SYT1: variants seen among roughly 807,000 people sequenced by gnomAD.
The protein encoded by SYT1 is synaptotagmin 1, also known as synaptotagmin-1.
SYT1 carries 8 observed loss-of-function variants against 44.8 expected under a neutral mutation model. The observed-to-expected ratio is 0.18, with a 90% CI of 0.10 to 0.32. The LOEUF (loss-of-function observed/expected upper bound fraction) is 0.32, where lower values mean the gene tolerates loss of function less well. SYT1 is among the 10% of genes least tolerant of loss of function. The pLI, the probability that SYT1 is intolerant of heterozygous loss-of-function variation, is 1.00. For synonymous variants in SYT1, 154 were observed against 188.8 expected, an observed-to-expected ratio of 0.82 and a Z score of 1.51; for missense variants, 286 against 509.3, an observed-to-expected ratio of 0.56 and a Z score of 4.22.
intron 1 of SYT1, among the ~76,000 whole-genome samples, chr12:78,869,429 A>G (rs1873706170): frequency 6.6e-6 from 1 of 152,038 alleles, no homozygotes; most frequent in Admixed American, 6.6e-5. Context: ...TACTGTCTAC[A>G]TCAATAAAAT....
At chr12:79,290,372 C>A (rs999086493) in intron 5 of SYT1, among the ~76,000 whole-genome samples, 1 of 152,186 alleles carries the variant, frequency 6.6e-6, no homozygotes, top group Non-Finnish European at 1.5e-5. Flanking sequence ...TGAAGCACCA[C>A]TGAAGATCCC....
intron 1 of SYT1, among the ~76,000 whole-genome samples, chr12:78,968,134 G>A (rs1256168991): frequency 6.6e-6 from 1 of 152,036 alleles, no homozygotes; most frequent in Non-Finnish European, 1.5e-5. Context: ...AGGAGTATAT[G>A]GTTAAATAGG....
intron 2 of SYT1, among the ~76,000 whole-genome samples, chr12:79,004,684 C>G (rs886875097): frequency 2.0e-5 from 3 of 151,822 alleles, no homozygotes; most frequent in Non-Finnish European, 2.9e-5. Flanking sequence ...GACTCTAGAC[C>G]AATATTTTGT....
intron 1 of SYT1, among the ~76,000 whole-genome samples, chr12:78,885,738 G>C (rs1436934836): frequency 6.6e-6 from 1 of 151,942 alleles, no homozygotes; most frequent in African/African-American, 2.4e-5. Context: ...GGTGACTATG[G>C]TTTTTATTTG....
At chr12:78,925,886 T>A (rs1877276680) in intron 1 of SYT1, among the ~76,000 whole-genome samples, 1 of 152,086 alleles carries the variant, frequency 6.6e-6, no homozygotes, top group Non-Finnish European at 1.5e-5. Flanking sequence ...AAAATATTAT[T>A]TGCAATCTTT....
At chr12:79,277,276 C>CA (rs940027592) in intron 4 of SYT1, among the ~76,000 whole-genome samples, 23 of 152,120 alleles carry the variant, frequency 1.5e-4, no homozygotes, top group Admixed American at 1.4e-3. Context: ...TAAAGGAAAT[C>CA]AAATAACTTA....
intron 9 of SYT1, among the ~76,000 whole-genome samples, chr12:79,402,943 C>T (rs1430216132): frequency 4.6e-5 from 7 of 152,090 alleles, no homozygotes; most frequent in South Asian, 2.1e-4. Context: ...CATAATACCA[C>T]GAACAAACCT....
chr12:79,326,012 G>T (rs1273856112), intron 8 of SYT1, among the ~76,000 whole-genome samples: 1 of 152,046 alleles, frequency 6.6e-6, no homozygotes, highest in Non-Finnish European at 1.5e-5. Context: ...ATTTATTGAT[G>T]GGGGGAAAAT....
chr12:78,987,466 C>A (rs1251989271), intron 2 of SYT1, among the ~76,000 whole-genome samples: 4 of 151,998 alleles, frequency 2.6e-5, no homozygotes, highest in Non-Finnish European at 5.9e-5. Context: ...CATAAAGTTT[C>A]AGGCTGAATC....
At chr12:79,041,055 T>C (rs186660567) in intron 2 of SYT1, among the ~76,000 whole-genome samples, 2 of 152,250 alleles carry the variant, frequency 1.3e-5, no homozygotes, top group South Asian at 2.1e-4. Flanking sequence ...AGTCAGGTAG[T>C]GTGATGCCTC....
At chr12:78,980,484 T>G (rs1221879412) in intron 2 of SYT1, among the ~76,000 whole-genome samples, 1 of 152,202 alleles carries the variant, frequency 6.6e-6, no homozygotes, top group African/African-American at 2.4e-5. Context: ...TATCAAAAAT[T>G]CTTTTGTTTT....
chr12:79,046,059 A>T (rs968834402), intron 2 of SYT1, among the ~76,000 whole-genome samples: 1 of 152,114 alleles, frequency 6.6e-6, no homozygotes, highest in Non-Finnish European at 1.5e-5. Context: ...TATGGCTCTA[A>T]GTCATGTTTT....
intron 1 of SYT1, among the ~76,000 whole-genome samples, chr12:78,873,980 G>T (rs2137039723): frequency 6.6e-6 from 1 of 151,706 alleles, no homozygotes; most frequent in Non-Finnish European, 1.5e-5. Context: ...TAGTTGGGAA[G>T]GGCCTATAGA....
At chr12:79,165,072 A>G (rs1159533179) in intron 3 of SYT1, among the ~76,000 whole-genome samples, 1 of 151,904 alleles carries the variant, frequency 6.6e-6, no homozygotes, top group South Asian at 2.1e-4. Context: ...GTTTTTTTTC[A>G]TTATCTTCAA....
At chr12:79,390,928 C>T (rs1884632736) in intron 9 of SYT1, among the ~76,000 whole-genome samples, 1 of 152,172 alleles carries the variant, frequency 6.6e-6, no homozygotes, top group African/African-American at 2.4e-5. Flanking sequence ...ACTGGTTGCT[C>T]TCTAACTCAT....
intron 8 of SYT1, among the ~76,000 whole-genome samples, chr12:79,326,689 C>T (rs1291748083): frequency 6.6e-6 from 1 of 152,172 alleles, no homozygotes; most frequent in Non-Finnish European, 1.5e-5. Flanking sequence ...CTGCGAGAGG[C>T]AGCTGATTGG....
chr12:79,165,062 GT>G (rs1295508693), intron 3 of SYT1, among the ~76,000 whole-genome samples: 3 of 151,542 alleles, frequency 2.0e-5, no homozygotes, highest in South Asian at 4.2e-4. Context: ...AGGGTTGTTG[GT>G]TTTTTTTCAT....
intron 9 of SYT1, among the ~76,000 whole-genome samples, chr12:79,380,299 A>G (rs928621979): frequency 6.6e-6 from 1 of 152,242 alleles, no homozygotes; most frequent in African/African-American, 2.4e-5. Context: ...ACTCTGACAA[A>G]GATGCAATTT....
chr12:78,958,878 C>T (rs1879356643), intron 1 of SYT1, among the ~76,000 whole-genome samples: 1 of 152,064 alleles, frequency 6.6e-6, no homozygotes, highest in Admixed American at 6.6e-5. Flanking sequence ...GCTTACAAGT[C>T]TACTTTTTTT....
Sources: allele counts gnomAD v4.1 joint callset (sites outside exome capture counted in the v4.1 genomes callset), GRCh38; gene constraint gnomAD v4.1.1; transcripts MANE v1.5; gene names NCBI Gene and HGNC (gene_info 2026-07-23, HGNC 2026-07-21).